The following VDAC2 variants were observed in gnomAD, a reference collection of about 807,000 sequenced individuals.
VDAC2 encodes non-selective voltage-gated ion channel VDAC2.
In VDAC2, 6 loss-of-function variants were observed where a neutral mutation model predicts 36.6. The ratio of observed to expected loss-of-function variants is 0.16; its 90% CI spans 0.09 to 0.32. VDAC2 has a LOEUF of 0.32. VDAC2 is among the 10% of genes least tolerant of loss of function. The pLI, the probability that VDAC2 is intolerant of heterozygous loss-of-function variation, is 1.00. For missense variants in VDAC2, 247 were observed against 346.0 expected (o/e 0.71, Z 2.27); for synonymous variants, 109 against 123.8 (o/e 0.88, Z 0.79).
At chr10:75,225,753 TGCTGA>T (rs1841934368) in intron 8 of VDAC2, among the ~76,000 whole-genome samples, 1 of 152,194 alleles carries the variant, frequency 6.6e-6, no homozygotes, top group African/African-American at 2.4e-5. Context: ...TTCCTCATAC[TGCTGA>T]GCTATTTTTT....
At chr10:75,227,301 A>G (rs1841981033) in intron 8 of VDAC2, among the ~76,000 whole-genome samples, 1 of 152,164 alleles carries the variant, frequency 6.6e-6, no homozygotes, top group Non-Finnish European at 1.5e-5. Flanking sequence ...AGCAGAGGCA[A>G]AAGAACCTGG....
At chr10:75,213,976 A>G (rs777599696) in intron 3 of VDAC2, 45 bp from the exon 4 acceptor site, 1 of 1,600,876 alleles carries the variant, frequency 6.2e-7, no homozygotes, top group Non-Finnish European at 8.6e-7. Flanking sequence ...TGCATCTTTC[A>G]TACAAAGGAA....
intron 7 of VDAC2, 143 bp downstream of exon 7, chr10:75,221,113 C>CA: frequency 4.6e-6 from 4 of 877,016 alleles, no homozygotes; most frequent in Non-Finnish European, 6.9e-6. Context: ...TTCTAGGGTG[C>CA]CCCTTGAAAG....
At chr10:75,220,564 C>G (rs1223062280) in intron 6 of VDAC2, among the ~76,000 whole-genome samples, 179 bp from the exon 7 acceptor site, 1 of 152,188 alleles carries the variant, frequency 6.6e-6, no homozygotes, top group South Asian at 2.1e-4. Flanking sequence ...GATGGCTGTC[C>G]AGTTGCTTCA....
At chr10:75,215,934 C>T (rs1428432356) in intron 4 of VDAC2, among the ~76,000 whole-genome samples, 1 of 152,054 alleles carries the variant, frequency 6.6e-6, no homozygotes, top group East Asian at 1.9e-4. Context: ...GTTGGCCAGT[C>T]TGGTCTTAAA....
intron 8 of VDAC2, among the ~76,000 whole-genome samples, chr10:75,229,058 A>G (rs1403522306): frequency 6.6e-6 from 1 of 152,218 alleles, no homozygotes; most frequent in East Asian, 1.9e-4. Flanking sequence ...GTGGTTACAT[A>G]CAGCCAGAAC....
intron 8 of VDAC2, among the ~76,000 whole-genome samples, chr10:75,227,679 C>T (rs12250044): frequency 0.14 from 20,248 of 148,796 alleles, 1,757 homozygotes; most frequent in East Asian, 0.24. Context: ...CTCTGCCACC[C>T]GGATTCAAGT....
chr10:75,219,240 T>C lies in VDAC2; in HGVS notation c.303+25T>C. On this transcript the variant is annotated intron_variant, in intron 5 of 9. Transcript: ENST00000332211. ...GGTAACATTTTGAAAATTTTAGTAT[T>C]AATTTTATTAATTTATTTTTGTATT... 4 of 1,554,140 alleles carry C rather than the reference T, an allele frequency of 2.6e-6. No individual in the cohort carries two copies. The South Asian group carries it at 5.0e-5, about 19-fold the overall frequency.
intron 8 of VDAC2, among the ~76,000 whole-genome samples, chr10:75,226,861 G>A (rs539944288): frequency 5.2e-4 from 79 of 152,276 alleles, no homozygotes; most frequent in Middle Eastern, 3.4e-3. Flanking sequence ...GGTAGGGGGT[G>A]CTGGTTGCTA....
intron 2 of VDAC2, among the ~76,000 whole-genome samples, 171 bp from the exon 3 acceptor site, chr10:75,212,059 G>T (rs1258274248): frequency 1.3e-5 from 2 of 152,200 alleles, no homozygotes; most frequent in African/African-American, 4.8e-5. Flanking sequence ...TTCGTTGGTG[G>T]TATCTCCTTT....
chr10:75,213,157 C>A (rs1268073270), intron 3 of VDAC2, among the ~76,000 whole-genome samples: 1 of 152,142 alleles, frequency 6.6e-6, no homozygotes, highest in South Asian at 2.1e-4. Flanking sequence ...CGGCTCCCTG[C>A]AGCCTCTGCC....
At chr10:75,212,891 A>C (rs1162644481) in intron 3 of VDAC2, among the ~76,000 whole-genome samples, 3 of 151,970 alleles carry the variant, frequency 2.0e-5, no homozygotes, top group Admixed American at 1.3e-4. Flanking sequence ...GGTTGACTAG[A>C]GTTACGATAT....
intron 6 of VDAC2, among the ~76,000 whole-genome samples, chr10:75,220,060 T>G (rs1397656162): frequency 1.3e-5 from 2 of 151,414 alleles, no homozygotes; most frequent in Non-Finnish European, 2.9e-5. Context: ...ACTCCTGACC[T>G]CGTGATCTGC....
rs111908110 is a variant in VDAC2 at position 75,229,724 on chromosome 10, G to T, written c.793+23G>T. 17 of 1,567,766 alleles carry T rather than the reference G, an allele frequency of 1.1e-5. No individual in the cohort carries two copies. In the East Asian group the frequency reaches 3.9e-4, roughly 36 times the overall value. On this transcript the variant is annotated intron_variant, in intron 9 of 9. Transcript: ENST00000332211. ...CTGGTAAGTATTCTTGATAAAGTAG[G>T]ATTGTTTTGATAGTATTAAAAAATT...
intron 4 of VDAC2, among the ~76,000 whole-genome samples, chr10:75,218,718 C>T (rs539599127): frequency 1.5e-4 from 23 of 151,708 alleles, no homozygotes; most frequent in African/African-American, 5.3e-4. Flanking sequence ...GCCGAGATCA[C>T]GCCACTGCAC....
rs1372259811 is a variant in VDAC2 at position 75,211,132 on chromosome 10, A to T, written c.-25-2A>T. The T allele has an allele frequency of 6.2e-7, 1 of 1,608,762 alleles. No individual in the cohort carries two copies. Among genetic ancestry groups the T allele is most frequent in the Non-Finnish European group, 8.5e-7 (1 of 1,177,544 alleles). ...TTACCGCACTTCTTGTCCCTCCCGC[A>T]GATTCCCCTCTTCCCGCGGCCTCGC... On this transcript the variant is annotated splice_acceptor_variant, in intron 1 of 9. Coordinates refer to ENST00000332211, the MANE Select transcript of VDAC2 (RefSeq NM_001391963.1). LOFTEE classifies it low-confidence loss of function (5UTR_SPLICE).
In VDAC2 at chr10:75,222,409, A is replaced by T; in HGVS notation, c.735+7A>T. Reference sequence around the variant, plus strand: ...TCCCACTGCTTCCATTTCTGTGAGTACTTTTGTGGACTTAGAATGGGGGTT... The same window carrying T: ...TCCCACTGCTTCCATTTCTGTGAGTTCTTTTGTGGACTTAGAATGGGGGTT... On this transcript the variant is annotated splice_region_variant and intron_variant, in intron 8 of 9. Transcript: ENST00000332211. 1 of 1,613,710 alleles carries T rather than the reference A, an allele frequency of 6.2e-7. No individual in the cohort carries two copies. Among genetic ancestry groups the T allele is most frequent in the Non-Finnish European group, 8.5e-7 (1 of 1,179,802 alleles).
In VDAC2 at chr10:75,220,767, T is replaced by C. The variant is rs1171450448; in HGVS notation, c.381T>C (p.Ser127=). The C allele has an allele frequency of 1.2e-6, 2 of 1,610,170 alleles. No homozygotes were observed. The highest frequency in any genetic ancestry group is 1.7e-5 in the Admixed American group (1 of 59,166). ...GAAAGAAAAGTGGTAAAATCAAGTC[T>C]TCTTACAAGAGGGAGTGTATAAACC... ...NTGKKSGKIK[S]SYKRECINLG... The change falls in exon 7 of 10, where the codon TCT becomes TCC. Residue 127 remains serine, a synonymous_variant. Transcript: ENST00000332211.
chr10:75,212,918 T>C (rs1381255761), intron 3 of VDAC2, among the ~76,000 whole-genome samples: 2 of 152,214 alleles, frequency 1.3e-5, no homozygotes, highest in Non-Finnish European at 2.9e-5. Context: ...GTTTTGCTTT[T>C]GTGGTGACTC....
Sources: allele counts gnomAD v4.1 joint callset (sites outside exome capture counted in the v4.1 genomes callset), GRCh38; gene constraint gnomAD v4.1.1; transcripts MANE v1.5; gene names NCBI Gene and HGNC (gene_info 2026-07-23, HGNC 2026-07-21).